The following CDK17 variants were observed in gnomAD, a reference collection of about 807,000 sequenced individuals.
CDK17 encodes the protein cyclin dependent kinase 17.
CDK17 carries 24 observed loss-of-function variants against 77.6 expected under a neutral mutation model. That is an observed-to-expected ratio of 0.31 (90% CI 0.22 to 0.44). The LOEUF is 0.44. Ranked by LOEUF, CDK17 falls within the 20% of genes least tolerant of loss-of-function variation. The probability of loss-of-function intolerance (pLI) is 1.00; values close to 1 mark genes in which losing one functional copy is unlikely to be tolerated. For synonymous variants in CDK17, 203 were observed against 210.4 expected (o/e 0.96, Z 0.30); for missense variants, 429 against 622.5 (o/e 0.69, Z 3.31).
chr12:96,363,048 G>A (rs1953521154), intron 1 of CDK17, among the ~76,000 whole-genome samples: 1 of 152,120 alleles, frequency 6.6e-6, no homozygotes, highest in Admixed American at 6.6e-5. Context: ...AAGGGACAAA[G>A]ATAATTACAG....
chr12:96,323,415 CA>C (rs1952850588), intron 3 of CDK17, among the ~76,000 whole-genome samples: 1 of 152,008 alleles, frequency 6.6e-6, no homozygotes, highest in South Asian at 2.1e-4. Flanking sequence ...TCAATAGCAC[CA>C]CTGCATTCCC....
At chr12:96,347,069 G>A (rs760837037) in intron 1 of CDK17, among the ~76,000 whole-genome samples, 2 of 152,108 alleles carry the variant, frequency 1.3e-5, no homozygotes, top group East Asian at 1.9e-4. Flanking sequence ...AACAAGACAC[G>A]AAGGCCATCA....
chr12:96,280,719 A>G (rs2137059022), intron 16 of CDK17, 89 bp downstream of exon 16: 1 of 1,555,846 alleles, frequency 6.4e-7, no homozygotes, highest in Non-Finnish European at 8.7e-7. Context: ...TTTTACATCA[A>G]TAATTTTACT....
At chr12:96,297,357 T>C (rs768401336) in intron 8 of CDK17, 25 bp from the exon 9 acceptor site, 1 of 1,467,032 alleles carries the variant, frequency 6.8e-7, no homozygotes, top group Non-Finnish European at 9.5e-7. Flanking sequence ...CACTCTGCTA[T>C]GTGATACACC....
intron 1 of CDK17, among the ~76,000 whole-genome samples, chr12:96,393,632 G>A (rs1260767815): frequency 6.6e-5 from 10 of 152,042 alleles, no homozygotes; most frequent in Non-Finnish European, 5.9e-5. Flanking sequence ...TATTTGGGAG[G>A]CTGAGGTGGG....
intron 16 of CDK17, 118 bp from the exon 17 acceptor site, chr12:96,280,397 A>G: frequency 6.7e-7 from 1 of 1,495,054 alleles, no homozygotes; most frequent in Non-Finnish European, 8.9e-7. Context: ...CCATGGTAAG[A>G]GTGATCAGCA....
intron 1 of CDK17, among the ~76,000 whole-genome samples, chr12:96,397,560 T>C (rs1007213690): frequency 1.3e-5 from 2 of 152,196 alleles, no homozygotes; most frequent in African/African-American, 2.4e-5. Context: ...CAAATTACGA[T>C]ATTAACAAGA....
At chr12:96,309,781 A>G (rs1336334102) in intron 5 of CDK17, among the ~76,000 whole-genome samples, 1 of 152,242 alleles carries the variant, frequency 6.6e-6, no homozygotes, top group Non-Finnish European at 1.5e-5. Context: ...AATGCAAAAT[A>G]AAACCAAGAG....
At chr12:96,355,407 T>G (rs926656579) in intron 1 of CDK17, among the ~76,000 whole-genome samples, 1 of 142,286 alleles carries the variant, frequency 7.0e-6, no homozygotes, top group South Asian at 2.3e-4. Flanking sequence ...GGTTTTTTTT[T>G]TTTTTTTTTT....
At chr12:96,344,209 AG>A (rs1953164385) in intron 1 of CDK17, among the ~76,000 whole-genome samples, 1 of 152,228 alleles carries the variant, frequency 6.6e-6, no homozygotes, top group South Asian at 2.1e-4. Flanking sequence ...CCTACCGGAC[AG>A]GGACACTATC....
chr12:96,374,392 C>T (rs1229411493), intron 1 of CDK17, among the ~76,000 whole-genome samples: 1 of 152,190 alleles, frequency 6.6e-6, no homozygotes, highest in Non-Finnish European at 1.5e-5. Flanking sequence ...CCTAGCCTTA[C>T]AAGAACTTTG....
chr12:96,300,403 T>C, intron 5 of CDK17, 43 bp from the exon 6 acceptor site: 1 of 1,299,472 alleles, frequency 7.7e-7, no homozygotes, highest in African/African-American at 1.5e-5. Context: ...ACTTTTTTTT[T>C]TTTTTTTTGA....
chr12:96,300,077 A>C (rs1952474772), intron 6 of CDK17, among the ~76,000 whole-genome samples: 1 of 152,192 alleles, frequency 6.6e-6, no homozygotes, highest in African/African-American at 2.4e-5. Context: ...CTTCAATAAA[A>C]ATTTCAAAGC....
intron 3 of CDK17, among the ~76,000 whole-genome samples, chr12:96,316,236 C>A (rs535666501): frequency 6.6e-6 from 1 of 152,168 alleles, no homozygotes; most frequent in Non-Finnish European, 1.5e-5. Context: ...CCGAATATTG[C>A]GCTTGTCAGA....
rs1270511292 is a variant in CDK17 at position 96,317,633 on chromosome 12, G to GGGCCA, written c.284-4184_284-4180dup. On this transcript the variant is annotated intron_variant, in intron 3 of 16. Transcript: ENST00000261211. ...AACCCTACAAGCCAGAAGAGAGTGG[G>GGGCCA]GGCCAATATTCAACATTCTTAAAGA... Among the ~76,000 whole-genome samples the GGGCCA allele has an allele frequency of 3.2e-5, 4 of 125,994 alleles. No homozygotes were observed. In the East Asian group the frequency reaches 7.1e-4, roughly 22 times the overall value. 82.7% of individuals were successfully genotyped at this position (125,994 alleles called of 152,430 possible).
chr12:96,307,955 TTG>T (rs1347535804), intron 5 of CDK17, among the ~76,000 whole-genome samples: 1 of 152,156 alleles, frequency 6.6e-6, no homozygotes, highest in Non-Finnish European at 1.5e-5. Context: ...AAAATCAAGT[TTG>T]TGTTATACTT....
intron 13 of CDK17, 122 bp downstream of exon 13, chr12:96,285,921 C>A: frequency 1.9e-6 from 1 of 520,408 alleles, no homozygotes; most frequent in South Asian, 2.5e-5. Flanking sequence ...AAATAAGATC[C>A]TAAAATACGT....
intron 1 of CDK17, among the ~76,000 whole-genome samples, chr12:96,365,066 C>T (rs971600062): frequency 1.3e-5 from 2 of 152,080 alleles, no homozygotes; most frequent in African/African-American, 4.8e-5. Flanking sequence ...ATTTTCTGTA[C>T]ATTTATCCAT....
intron 1 of CDK17, among the ~76,000 whole-genome samples, chr12:96,375,442 G>A (rs1953762645): frequency 6.7e-6 from 1 of 148,850 alleles, no homozygotes; most frequent in Admixed American, 6.7e-5. Context: ...TTCCTCCTTA[G>A]GCAAGCTCAT....
Sources: allele counts gnomAD v4.1 joint callset (sites outside exome capture counted in the v4.1 genomes callset), GRCh38; gene constraint gnomAD v4.1.1; transcripts MANE v1.5; gene names NCBI Gene and HGNC (gene_info 2026-07-23, HGNC 2026-07-21).